Variants in STXBP4 observed in about 807,000 individuals in gnomAD.
STXBP4 encodes the protein syntaxin binding protein 4.
Under a neutral mutation model 76.1 loss-of-function variants are expected in STXBP4, and 55 were observed. The ratio of observed to expected loss-of-function variants is 0.72; its 90% CI spans 0.58 to 0.91. The LOEUF (loss-of-function observed/expected upper bound fraction) is 0.91. STXBP4 is among the 40% of genes least tolerant of loss of function. The pLI is 0.00. For synonymous variants in STXBP4, 201 were observed against 220.2 expected, an observed-to-expected ratio of 0.91 and a Z score of 0.77; for missense variants, 618 against 636.9, an observed-to-expected ratio of 0.97 and a Z score of 0.32.
At chr17:55,185,964 T>C in the STXBP4 span, among the ~76,000 whole-genome samples, 1 of 152,206 alleles carries the variant, frequency 6.6e-6, no homozygotes, top group Admixed American at 6.5e-5. Context: ...GATCCATGTG[T>C]GGAGGCACCA....
intron 17 of STXBP4, among the ~76,000 whole-genome samples, chr17:55,152,330 A>C (rs560604306): frequency 1.3e-5 from 2 of 152,336 alleles, no homozygotes; most frequent in East Asian, 3.9e-4. Context: ...TTGTTGCTAC[A>C]TGATGTAAAA....
chr17:55,155,782 T>A (rs2080270685), intron 17 of STXBP4, among the ~76,000 whole-genome samples: 1 of 152,176 alleles, frequency 6.6e-6, no homozygotes, highest in African/African-American at 2.4e-5. Flanking sequence ...ATTTTGCTCC[T>A]TTAGCTAGGA....
At position 55,047,139 on chromosome 17, in the gene STXBP4, C is replaced by A; in HGVS notation, c.996C>A (p.Leu332=). 1 of 1,605,120 alleles carries A rather than the reference C, an allele frequency of 6.2e-7. No individual in the cohort carries two copies. The highest frequency in any genetic ancestry group is 1.1e-5 in the South Asian group (1 of 90,560). ...DKQRKQLTEE[L]QNVKQEAKAV... is the part of the protein sequence containing the mutation. ...AAAGGAAACAATTGACAGAAGAGCT[C>A]CAGAATGTGAAACAAGTAAGTATAT... The change falls in exon 12 of 18, where the codon CTC becomes CTA. Residue 332 remains leucine, a synonymous_variant. Transcript: ENST00000376352.
chr17:55,165,797 T>A lies in STXBP4; in HGVS notation c.*5886T>A, dbSNP rs1053072400. 4 of 152,224 alleles carry A rather than the reference T, an allele frequency of 2.6e-5. No individual in the cohort carries two copies. The highest frequency in any genetic ancestry group is 2.6e-4 in the Admixed American group (4 of 15,284). 9.4% of individuals were successfully genotyped at this position (152,224 alleles called of 1,614,324 possible). ...GATTAGGACCCTTATGAAAGAGGCT[T>A]CAGGGAACCTGTTTGCCCCTTCTGC... is the stretch of plus-strand genomic sequence containing the variant. On this transcript the variant is annotated 3_prime_UTR_variant, in exon 18 of 18. Coordinates refer to ENST00000376352, the MANE Select transcript of STXBP4 (RefSeq NM_178509.6).
At chr17:54,987,486 T>C (rs2077642769) in intron 3 of STXBP4, among the ~76,000 whole-genome samples, 1 of 152,218 alleles carries the variant, frequency 6.6e-6, no homozygotes, top group African/African-American at 2.4e-5. Flanking sequence ...TCCCTTCATA[T>C]CAGTTTATAA....
rs888850442 is a variant in STXBP4 at position 55,164,927 on chromosome 17, G to C, written c.*5016G>C. On this transcript the variant is annotated 3_prime_UTR_variant, in exon 18 of 18. Transcript: ENST00000376352. ...TACTAGAGGCCAGACACTTCACTGA[G>C]TAGTAGGGATACAATGTGAGATATA... is the stretch of plus-strand genomic sequence containing the variant. The C allele has an allele frequency of 3.3e-5, 5 of 152,256 alleles. No homozygotes were observed. Among genetic ancestry groups the C allele is most frequent in the South Asian group, 2.1e-4 (1 of 4,794 alleles). The allele number at this position is 152,256 out of a possible 1,614,324, so 9.4% of individuals were successfully genotyped here.
At chr17:55,185,333 C>A in the STXBP4 span, among the ~76,000 whole-genome samples, 1 of 147,836 alleles carries the variant, frequency 6.8e-6, no homozygotes, top group Non-Finnish European at 1.5e-5. Context: ...CCTTCTCCTC[C>A]TCCTCCTCCT....
At chr17:55,174,101 A>G (rs2145220163), downstream of STXBP4, among the ~76,000 whole-genome samples, 1 of 152,360 alleles carries the variant, frequency 6.6e-6, no homozygotes, top group Non-Finnish European at 1.5e-5. Flanking sequence ...TCACCATGAT[A>G]AAATTCAGGA....
intron 3 of STXBP4, 90 bp from the exon 4 acceptor site, chr17:54,990,735 T>C: frequency 6.9e-7 from 1 of 1,449,104 alleles, no homozygotes; most frequent in Non-Finnish European, 9.2e-7. Flanking sequence ...CTGCTCTAGA[T>C]CTCAGATTTT....
intron 17 of STXBP4, among the ~76,000 whole-genome samples, chr17:55,144,569 ACCATTCTCTTTG>A (rs2080131252): frequency 6.6e-6 from 1 of 152,100 alleles, no homozygotes; most frequent in Admixed American, 6.6e-5. Flanking sequence ...TCTCCTCATG[ACCATTCTCTTTG>A]CCCACTCTCC....
intron 8 of STXBP4, among the ~76,000 whole-genome samples, chr17:55,026,541 C>A (rs2144655750): frequency 6.6e-6 from 1 of 152,256 alleles, no homozygotes; most frequent in South Asian, 2.1e-4. Flanking sequence ...AGCCAAAAAA[C>A]TAAGTCCCAA....
At chr17:55,059,951 A>G (rs1473538562) in intron 12 of STXBP4, among the ~76,000 whole-genome samples, 1 of 152,160 alleles carries the variant, frequency 6.6e-6, no homozygotes, top group East Asian at 1.9e-4. Flanking sequence ...AGTGACTGAG[A>G]GGCTGTAATG....
At chr17:55,187,196 A>G in the STXBP4 span, among the ~76,000 whole-genome samples, 1 of 152,228 alleles carries the variant, frequency 6.6e-6, no homozygotes. Flanking sequence ...AGAAGTAGGC[A>G]GCATGCACCC....
the STXBP4 span, among the ~76,000 whole-genome samples, chr17:55,198,115 C>G: frequency 5.0e-3 from 769 of 152,332 alleles, 7 homozygotes; most frequent in African/African-American, 0.018. Context: ...GCATACACCC[C>G]ATGCAAATGA....
intron 1 of STXBP4, among the ~76,000 whole-genome samples, chr17:54,973,156 T>C (rs938833089): frequency 2.6e-5 from 4 of 152,182 alleles, no homozygotes; most frequent in Non-Finnish European, 4.4e-5. Flanking sequence ...AGCGCATGGA[T>C]AGGGGAAGCA....
chr17:55,209,613 A>G, the STXBP4 span, among the ~76,000 whole-genome samples: 11 of 152,294 alleles, frequency 7.2e-5, no homozygotes, highest in East Asian at 2.1e-3. Flanking sequence ...CTCCCTTACC[A>G]TGGCCATTGT....
intron 16 of STXBP4, among the ~76,000 whole-genome samples, chr17:55,082,472 A>G (rs902178544): frequency 4.6e-5 from 7 of 152,182 alleles, no homozygotes; most frequent in African/African-American, 1.7e-4. Flanking sequence ...TCCAGATTTT[A>G]GTAATTACAA....
At chr17:55,156,607 C>T (rs930450869) in intron 17 of STXBP4, among the ~76,000 whole-genome samples, 7 of 152,278 alleles carry the variant, frequency 4.6e-5, no homozygotes, top group South Asian at 2.1e-4. Flanking sequence ...TGGTTCTGGA[C>T]GTTTTAAACA....
intron 16 of STXBP4, among the ~76,000 whole-genome samples, chr17:55,110,232 A>G (rs181654862): frequency 5.9e-5 from 9 of 152,346 alleles, no homozygotes; most frequent in African/African-American, 1.4e-4. Flanking sequence ...AAGGACCCTT[A>G]TGATTATGTT....
Sources: gnomAD v4.1 joint callset for allele counts (sites outside exome capture counted in the v4.1 genomes callset) on GRCh38, gnomAD v4.1.1 for gene constraint, MANE v1.5 for transcripts, NCBI Gene and HGNC (gene_info 2026-07-23, HGNC 2026-07-21) for gene names.